Variants in SGPL1 observed in about 807,000 individuals in gnomAD.
The protein encoded by SGPL1 is SP-lyase 1.
SGPL1 carries 37 observed loss-of-function variants against 68.9 expected under a neutral mutation model. The observed-to-expected ratio is 0.54, with a 90% CI of 0.41 to 0.71. The LOEUF is 0.71. Among genes scored for constraint, SGPL1 ranks in the 30% least tolerant of loss-of-function variants. The probability of loss-of-function intolerance (pLI) is 0.00; values close to 1 mark genes in which losing one functional copy is unlikely to be tolerated. For missense variants in SGPL1, 551 were observed against 704.6 expected (o/e 0.78, Z 2.47); for synonymous variants, 236 against 248.5 (o/e 0.95, Z 0.47).
chr10:70,872,055 A>G, intron 11 of SGPL1, 69 bp downstream of exon 11: 1 of 1,465,746 alleles, frequency 6.8e-7, no homozygotes. Flanking sequence ...ATAAATTGGT[A>G]GCTTCCCCGC....
At chr10:70,842,092 T>C (rs778127179) in intron 2 of SGPL1, among the ~76,000 whole-genome samples, 3 of 152,202 alleles carry the variant, frequency 2.0e-5, no homozygotes, top group Non-Finnish European at 4.4e-5. Context: ...ACGTAGTTCA[T>C]GTAGATCTGT....
Position 70,826,624 on chromosome 10 carries a change from C to T in SGPL1, c.27+9744C>T, listed in dbSNP as rs1014589529. On this transcript the variant is annotated intron_variant, in intron 2 of 14. Coordinates refer to ENST00000373202, the MANE Select transcript of SGPL1 (RefSeq NM_003901.4). ...TATAAACCATTTATCTCTAACTCTA[C>T]GCTTCACCCTGTTACAAATATTTCC... 2.6e-5 allele frequency among the ~76,000 whole-genome samples: 4 copies of T among 152,320 alleles called. No individual in the cohort carries two copies. In the South Asian group the frequency reaches 6.2e-4, roughly 24 times the overall value.
intron 2 of SGPL1, among the ~76,000 whole-genome samples, chr10:70,821,872 A>G (rs1845344915): frequency 6.6e-6 from 1 of 152,136 alleles, no homozygotes; most frequent in Non-Finnish European, 1.5e-5. Flanking sequence ...CTGCTCAGGA[A>G]TATATATTGG....
chr10:70,864,597 T>G (rs756592371), intron 7 of SGPL1, among the ~76,000 whole-genome samples: 2 of 152,214 alleles, frequency 1.3e-5, no homozygotes, highest in Non-Finnish European at 2.9e-5. Context: ...CATGTTCTTA[T>G]GATATTTTCC....
intron 2 of SGPL1, among the ~76,000 whole-genome samples, chr10:70,835,607 G>T (rs919427017): frequency 6.6e-6 from 1 of 151,922 alleles, no homozygotes; most frequent in Non-Finnish European, 1.5e-5. Context: ...GTGGTGGCGG[G>T]TGCCTGTAGT....
chr10:70,847,990 G>T (rs1264386372), intron 3 of SGPL1, among the ~76,000 whole-genome samples: 1 of 152,174 alleles, frequency 6.6e-6, no homozygotes, highest in Non-Finnish European at 1.5e-5. Flanking sequence ...CTGTGCTGGG[G>T]TTAGCAGCCT....
At chr10:70,858,611 C>G (rs1262000504) in intron 6 of SGPL1, among the ~76,000 whole-genome samples, 1 of 152,204 alleles carries the variant, frequency 6.6e-6, no homozygotes, top group Non-Finnish European at 1.5e-5. Context: ...TAAAATCTTT[C>G]AGTAGCTTCC....
intron 7 of SGPL1, among the ~76,000 whole-genome samples, chr10:70,863,289 C>CT (rs35676112): frequency 0.12 from 13,999 of 118,362 alleles, 942 homozygotes; most frequent in Non-Finnish European, 0.16. Flanking sequence ...GCTTGGCCGT[C>CT]TTTTTTTTTT....
chr10:70,845,472 C>A (rs59150026), intron 3 of SGPL1, among the ~76,000 whole-genome samples: 1 of 151,972 alleles, frequency 6.6e-6, no homozygotes, highest in Admixed American at 6.6e-5. Context: ...ATCAGGGGAT[C>A]GTATACTTTG....
Position 70,880,718 on chromosome 10 carries a change from C to T in SGPL1, c.*3383C>T, listed in dbSNP as rs1846483086. The T allele has an allele frequency of 6.6e-6, 1 of 152,220 alleles. No individual in the cohort carries two copies. The highest frequency in any genetic ancestry group is 2.1e-4 in the South Asian group (1 of 4,824). The allele number at this position is 152,220 out of a possible 1,614,324, so 9.4% of individuals were successfully genotyped here. On this transcript the variant is annotated 3_prime_UTR_variant, in exon 15 of 15. Transcript: ENST00000373202. ...CAGCTTTTCCTTTTGGCTTTTAGCC[C>T]ATTCAGACTTTGCCAGAGTCAAGCC...
At chr10:70,831,623 C>T (rs2177614) in intron 2 of SGPL1, among the ~76,000 whole-genome samples, 150,290 of 152,306 alleles carry the variant, frequency 0.99, 74,184 homozygotes, top group Middle Eastern at 1. Context: ...GGTGTGGAGC[C>T]TCCATGCCTC....
intron 3 of SGPL1, among the ~76,000 whole-genome samples, chr10:70,847,674 TAC>T (rs1450054242): frequency 6.6e-6 from 1 of 152,150 alleles, no homozygotes; most frequent in African/African-American, 2.4e-5. Context: ...ATTTAGCACA[TAC>T]ACACACAGCA....
intron 3 of SGPL1, among the ~76,000 whole-genome samples, chr10:70,849,898 G>T (rs1280081997): frequency 6.6e-6 from 1 of 152,168 alleles, no homozygotes; most frequent in Non-Finnish European, 1.5e-5. Flanking sequence ...TTAAATCTTT[G>T]CTCTATCACT....
intron 2 of SGPL1, among the ~76,000 whole-genome samples, chr10:70,827,077 C>T (rs989846903): frequency 1.6e-4 from 25 of 152,296 alleles, no homozygotes; most frequent in African/African-American, 5.8e-4. Context: ...TAAAGGCATA[C>T]ATGCCTAACT....
At chr10:70,847,096 C>T (rs1174096517) in intron 3 of SGPL1, among the ~76,000 whole-genome samples, 1 of 151,828 alleles carries the variant, frequency 6.6e-6, no homozygotes, top group Admixed American at 6.6e-5. Flanking sequence ...TGAGATATGC[C>T]ATCTAAATCC....
intron 3 of SGPL1, among the ~76,000 whole-genome samples, chr10:70,845,172 A>C (rs1466707238): frequency 6.6e-6 from 1 of 152,140 alleles, no homozygotes; most frequent in Non-Finnish European, 1.5e-5. Context: ...TAGTTCACGT[A>C]AAAACGCCTC....
intron 13 of SGPL1, among the ~76,000 whole-genome samples, chr10:70,876,273 T>G (rs537840843): frequency 1.4e-4 from 21 of 152,148 alleles, no homozygotes; most frequent in African/African-American, 4.8e-4. Flanking sequence ...GTGGAATTTG[T>G]GAGGGGATGG....
At chr10:70,842,980 C>CT (rs1349274975) in intron 2 of SGPL1, among the ~76,000 whole-genome samples, 1 of 151,436 alleles carries the variant, frequency 6.6e-6, no homozygotes, top group Non-Finnish European at 1.5e-5. Flanking sequence ...CATCATGTAG[C>CT]TTACACTTTG....
intron 2 of SGPL1, among the ~76,000 whole-genome samples, chr10:70,819,712 C>T (rs1185041352): frequency 6.7e-6 from 1 of 149,012 alleles, no homozygotes; most frequent in East Asian, 2.0e-4. Flanking sequence ...CTTACTGCAT[C>T]CTCAATCTCT....
Sources: allele counts gnomAD v4.1 joint callset (sites outside exome capture counted in the v4.1 genomes callset), GRCh38; gene constraint gnomAD v4.1.1; transcripts MANE v1.5; gene names NCBI Gene and HGNC (gene_info 2026-07-23, HGNC 2026-07-21).